GPSM2: variants seen among roughly 807,000 people sequenced by gnomAD.
GPSM2 encodes the protein G protein-signaling modulator 2.
Under a neutral mutation model 78.4 loss-of-function variants are expected in GPSM2, and 58 were observed. The observed-to-expected ratio is 0.74, with a 90% CI of 0.60 to 0.92. The LOEUF is 0.92. GPSM2 is among the 40% of genes least tolerant of loss of function. The pLI, the probability that GPSM2 is intolerant of heterozygous loss-of-function variation, is 0.00. For synonymous variants in GPSM2, 224 were observed against 280.2 expected, an observed-to-expected ratio of 0.80 and a Z score of 2.00; for missense variants, 700 against 815.5, an observed-to-expected ratio of 0.86 and a Z score of 1.73.
chr1:108,910,931 G>A (rs1325051984), intron 10 of GPSM2, among the ~76,000 whole-genome samples: 1 of 151,388 alleles, frequency 6.6e-6, no homozygotes, highest in Non-Finnish European at 1.5e-5. Flanking sequence ...AATGAACATA[G>A]TAAAGAGAAA....
intron 7 of GPSM2, 127 bp from the exon 8 acceptor site, chr1:108,901,663 A>T (rs1014904242): frequency 3.9e-6 from 3 of 770,310 alleles, no homozygotes; most frequent in Admixed American, 1.9e-5. Context: ...CGGGATATGA[A>T]TATTAGGCTC....
rs529059086 is a variant in GPSM2, at chr1:108,932,548, A to T, written c.*2608A>T. ...GTGAAATTTTATTTAAAAATTTTTT[A>T]AAAGAATTTGGTTTTGGATTAAAAG... On this transcript the variant is annotated 3_prime_UTR_variant, in exon 15 of 15. Transcript: ENST00000264126. 7.2e-5 allele frequency: 11 copies of T among 152,366 alleles called. No individual in the cohort carries two copies. Among genetic ancestry groups the T allele is most frequent in the Admixed American group, 5.9e-4 (9 of 15,304 alleles). The allele number at this position is 152,366 out of a possible 1,614,324, so 9.4% of individuals were successfully genotyped here. A position where few individuals can be genotyped will look rare whatever the true frequency, so the allele number is the denominator to read the frequency against.
At chr1:108,901,985 T>C (rs751409058) in intron 8 of GPSM2, 40 bp downstream of exon 8, 11 of 1,354,500 alleles carry the variant, frequency 8.1e-6, no homozygotes, top group Admixed American at 1.7e-5. Flanking sequence ...AGGTAAAATA[T>C]AGATGCATTA....
At chr1:108,888,285 C>G (rs572789716) in intron 2 of GPSM2, among the ~76,000 whole-genome samples, 10 of 152,262 alleles carry the variant, frequency 6.6e-5, no homozygotes, top group South Asian at 6.2e-4. Flanking sequence ...CTCCTGACCT[C>G]GGGTGATCCA....
intron 2 of GPSM2, among the ~76,000 whole-genome samples, chr1:108,894,336 T>C (rs1014367668): frequency 6.6e-6 from 1 of 152,230 alleles, no homozygotes; most frequent in African/African-American, 2.4e-5. Flanking sequence ...CTGTATCTAA[T>C]TGGCTTGTAG....
At chr1:108,911,925 C>G (rs558334016) in intron 10 of GPSM2, among the ~76,000 whole-genome samples, 1 of 151,276 alleles carries the variant, frequency 6.6e-6, no homozygotes, top group Non-Finnish European at 1.5e-5. Flanking sequence ...CCCACCTCAG[C>G]CTCCTGAGTA....
intron 14 of GPSM2, chr1:108,924,454 TATAG>T: frequency 1.8e-6 from 1 of 556,220 alleles, no homozygotes; most frequent in South Asian, 2.0e-5. Context: ...TGTGTATATA[TATAG>T]AGAGAGAGTA....
At position 108,934,373 on chromosome 1, in the gene GPSM2, G is replaced by C. The variant is rs1314603045; in HGVS notation, c.*4433G>C. On this transcript the variant is annotated 3_prime_UTR_variant, in exon 15 of 15. Transcript: ENST00000264126. Reference sequence around the variant, plus strand: ...TTTTCAATGTCCCCAATTCAAACTGGCCTCCTTAACTATCCAGAATCAGTG... The same window carrying C: ...TTTTCAATGTCCCCAATTCAAACTGCCCTCCTTAACTATCCAGAATCAGTG... The C allele has an allele frequency of 8.9e-6, 3 of 335,204 alleles. No homozygotes were observed. Among genetic ancestry groups the C allele is most frequent in the Non-Finnish European group, 1.6e-5 (3 of 185,342 alleles). 20.8% of individuals were successfully genotyped at this position (335,204 alleles called of 1,614,324 possible).
At chr1:108,910,074 T>C (rs547547088) in intron 10 of GPSM2, 1 of 152,086 alleles carries the variant, frequency 6.6e-6, no homozygotes, top group South Asian at 2.1e-4. Context: ...GGTTCCAAAT[T>C]GTTTAGTTTA....
intron 14 of GPSM2, chr1:108,929,443 G>A (rs976532840): frequency 1.0e-5 from 5 of 497,924 alleles, no homozygotes; most frequent in African/African-American, 5.8e-5. Flanking sequence ...CATAATGCAC[G>A]TACTAAACCA....
intron 10 of GPSM2, among the ~76,000 whole-genome samples, chr1:108,906,297 C>T (rs1289552516): frequency 2.6e-5 from 4 of 152,092 alleles, no homozygotes; most frequent in East Asian, 3.9e-4. Context: ...GAGCTGGTCT[C>T]GAACTCTTGT....
chr1:108,908,386 CA>C (rs558751204), intron 10 of GPSM2, among the ~76,000 whole-genome samples: 2 of 134,278 alleles, frequency 1.5e-5, no homozygotes, highest in African/African-American at 2.8e-5. Flanking sequence ...CAAAAACAAA[CA>C]AAAAAAACAC....
In GPSM2 at chr1:108,929,758, A is replaced by T; in HGVS notation, c.1873A>T (p.Thr625Ser). 6.2e-7 allele frequency: 1 copy of T among 1,613,320 alleles called. No homozygotes were observed. The highest frequency in any genetic ancestry group is 8.5e-7 in the Non-Finnish European group (1 of 1,179,264). ...ACCACCTGCTACCACAAAGGGTCCG[A>T]CAGTACCAGATGAAGACTTTTTCAG... ...APPPATTKGP[T>S]VPDEDFFSLI... The change falls in exon 15 of 15, where the codon ACA becomes TCA. Residue 625 changes from threonine to serine, a missense_variant. By Grantham distance (58) the Thr-to-Ser change is moderately conservative (BLOSUM62 1). Transcript: ENST00000264126.
In GPSM2 at chr1:108,922,573, A is replaced by G; in HGVS notation, c.1597A>G (p.Lys533Glu). Reference sequence around the variant, plus strand: ...TTCCACTCCCCCTAAAATGATGCTAAAAAGTAAGTCATCTCTGTTTCTCCC... The same window carrying G: ...TTCCACTCCCCCTAAAATGATGCTAGAAAGTAAGTCATCTCTGTTTCTCCC... ...TSSTPPKMML[K>E]TSSVPVVSPN... Residue 533 changes from lysine to glutamate, a missense_variant, in exon 13 of 15, where the codon AAA (lysine) becomes GAA (glutamate). Coordinates refer to ENST00000264126, the MANE Select transcript of GPSM2 (RefSeq NM_013296.5). 6.2e-7 allele frequency: 1 copy of G among 1,611,044 alleles called. No homozygotes were observed.
chr1:108,896,457 G>T (rs1648375729), intron 2 of GPSM2, among the ~76,000 whole-genome samples: 1 of 152,106 alleles, frequency 6.6e-6, no homozygotes, highest in African/African-American at 2.4e-5. Flanking sequence ...GGATACCTGG[G>T]TAGAGAACAA....
intron 10 of GPSM2, among the ~76,000 whole-genome samples, chr1:108,912,952 C>T (rs1557872287): frequency 6.6e-6 from 1 of 151,788 alleles, no homozygotes; most frequent in Admixed American, 6.6e-5. Flanking sequence ...ACAAATAGCC[C>T]ATAAATATAT....
At chr1:108,915,764 A>G (rs1430187842) in intron 11 of GPSM2, among the ~76,000 whole-genome samples, 1 of 152,096 alleles carries the variant, frequency 6.6e-6, no homozygotes, top group Non-Finnish European at 1.5e-5. Flanking sequence ...ACTGTGGTAT[A>G]TTTTTAAAAA....
intron 1 of GPSM2, among the ~76,000 whole-genome samples, chr1:108,883,100 T>G (rs1360371634): frequency 6.6e-6 from 1 of 152,214 alleles, no homozygotes; most frequent in East Asian, 1.9e-4. Flanking sequence ...CAAAAGATAG[T>G]GCTTCCTTTG....
Position 108,898,783 on chromosome 1 carries a change from G to A in GPSM2, c.681+18G>A. ...ATGAGCAGGTACAGTGGAAAGCCTT[G>A]GAGCCAGATCATTTCCTCCATCAAA... On this transcript the variant is annotated intron_variant, in intron 6 of 14. Transcript: ENST00000264126. 6.2e-7 allele frequency: 1 copy of A among 1,613,668 alleles called. No homozygotes were observed. The highest frequency in any genetic ancestry group is 1.3e-5 in the African/African-American group (1 of 75,006).
Sources: gnomAD v4.1 joint callset for allele counts (sites outside exome capture counted in the v4.1 genomes callset) on GRCh38, gnomAD v4.1.1 for gene constraint, MANE v1.5 for transcripts, NCBI Gene and HGNC (gene_info 2026-07-23, HGNC 2026-07-21) for gene names.